Variants in GPD2 observed in about 807,000 individuals in gnomAD.
GPD2 encodes the protein glycerol-3-phosphate dehydrogenase, mitochondrial.
In GPD2, 54 loss-of-function variants were observed where a neutral mutation model predicts 82.4. That is an observed-to-expected ratio of 0.66 (90% CI 0.53 to 0.82). The LOEUF is 0.82. Ranked by LOEUF, GPD2 falls within the 40% of genes least tolerant of loss-of-function variation. The pLI is 0.00. For missense variants in GPD2, 748 were observed against 896.2 expected (o/e 0.83, Z 2.11); for synonymous variants, 288 against 306.1 (o/e 0.94, Z 0.62).
the GPD2 span, among the ~76,000 whole-genome samples, chr2:156,400,790 A>G: frequency 2.0e-5 from 3 of 152,346 alleles, no homozygotes; most frequent in African/African-American, 2.4e-5. Flanking sequence ...TCAGTGGTAG[A>G]GCGCGCGCTT....
At chr2:156,437,088 T>A (rs1229639427) in intron 1 of GPD2, among the ~76,000 whole-genome samples, 1 of 152,188 alleles carries the variant, frequency 6.6e-6, no homozygotes, top group East Asian at 1.9e-4. Context: ...CCTTGTGCAG[T>A]GGAATATTCA....
chr2:156,424,982 G>A, the GPD2 span, among the ~76,000 whole-genome samples: 8 of 151,636 alleles, frequency 5.3e-5, no homozygotes, highest in East Asian at 5.8e-4. Context: ...CCTACATAAC[G>A]CCAATATTAA....
In GPD2 at chr2:156,513,515, T is replaced by C. The variant is rs774022011; in HGVS notation, c.661+19T>C. ...TATGACGGTATGTGATGTTTTTTTT[T>C]TTTTTCCTCACAAGATACTTTTCTC... On this transcript the variant is annotated intron_variant, in intron 6 of 16. Transcript: ENST00000438166. 1.9e-6 allele frequency: 3 copies of C among 1,604,062 alleles called. No individual in the cohort carries two copies. The highest frequency in any genetic ancestry group is 8.5e-7 in the Non-Finnish European group (1 of 1,171,286).
At chr2:156,538,547 G>A (rs1438082437) in intron 6 of GPD2, among the ~76,000 whole-genome samples, 2 of 151,980 alleles carry the variant, frequency 1.3e-5, no homozygotes, top group Non-Finnish European at 2.9e-5. Context: ...TTGGCTGGGT[G>A]TGGTGGTTCA....
upstream of GPD2, among the ~76,000 whole-genome samples, chr2:156,434,103 TTTTA>T (rs775534865): frequency 1.1e-3 from 170 of 152,178 alleles, no homozygotes; most frequent in Non-Finnish European, 1.9e-3. Context: ...AGTCACAAGT[TTTTA>T]TTTATTTATT....
At chr2:156,518,372 G>A (rs1470895616) in intron 6 of GPD2, among the ~76,000 whole-genome samples, 1 of 152,170 alleles carries the variant, frequency 6.6e-6, no homozygotes, top group Non-Finnish European at 1.5e-5. Context: ...TGAATTTCAT[G>A]TCTCCCAGTC....
chr2:156,452,753 G>T (rs900283072), intron 1 of GPD2, among the ~76,000 whole-genome samples: 4 of 152,154 alleles, frequency 2.6e-5, no homozygotes, highest in African/African-American at 9.7e-5. Context: ...GGAGAGAGTG[G>T]TGGGTAATTG....
rs190384663 is a variant in GPD2, at chr2:156,516,797, T to G, written c.661+3301T>G. 3.3e-3 allele frequency among the ~76,000 whole-genome samples: 497 copies of G among 152,186 alleles called. 2 individuals carry two copies. Among genetic ancestry groups the G allele is most frequent in the Non-Finnish European group, 5.5e-3 (372 of 68,026 alleles). On this transcript the variant is annotated intron_variant, in intron 6 of 16. Coordinates refer to ENST00000438166, the MANE Select transcript of GPD2 (RefSeq NM_000408.5). ...AAGTTTTGCTAACTAAAAATTCTTA[T>G]TAGTAATATCTTATACACTTACTTC...
chr2:156,533,493 C>G (rs1433413627), intron 6 of GPD2, among the ~76,000 whole-genome samples: 1 of 152,164 alleles, frequency 6.6e-6, no homozygotes, highest in Non-Finnish European at 1.5e-5. Flanking sequence ...CTGATTCTGT[C>G]AGCAAGGCCT....
chr2:156,416,352 CTTT>C, the GPD2 span, among the ~76,000 whole-genome samples: 1 of 142,794 alleles, frequency 7.0e-6, no homozygotes, highest in African/African-American at 2.6e-5. Context: ...TAAAATATTT[CTTT>C]TTTTTTTTTT....
At chr2:156,495,736 G>T in intron 2 of GPD2, 1 of 394,206 alleles carries the variant, frequency 2.5e-6, no homozygotes, top group Non-Finnish European at 5.0e-6. Flanking sequence ...CCTTAGATAA[G>T]GTATTTGGGA....
At chr2:156,414,772 TTA>T in the GPD2 span, among the ~76,000 whole-genome samples, 1 of 152,202 alleles carries the variant, frequency 6.6e-6, no homozygotes, top group Non-Finnish European at 1.5e-5. Context: ...TCAATGATTA[TTA>T]TATCATTCCC....
chr2:156,433,367 C>T (rs1688340472), upstream of GPD2, among the ~76,000 whole-genome samples: 1 of 152,192 alleles, frequency 6.6e-6, no homozygotes, highest in African/African-American at 2.4e-5. Context: ...AGACCCTGCA[C>T]TTGACGGATC....
chr2:156,422,858 A>G, the GPD2 span, among the ~76,000 whole-genome samples: 2 of 152,208 alleles, frequency 1.3e-5, no homozygotes, highest in Non-Finnish European at 2.9e-5. Flanking sequence ...AGGACATTAT[A>G]TTGATAATAA....
chr2:156,406,853 GT>G, the GPD2 span, among the ~76,000 whole-genome samples: 1 of 152,092 alleles, frequency 6.6e-6, no homozygotes, highest in Admixed American at 6.6e-5. Flanking sequence ...TAAAATATAT[GT>G]TTTTTTCATA....
At chr2:156,527,882 G>A (rs1186717639) in intron 6 of GPD2, among the ~76,000 whole-genome samples, 1 of 151,968 alleles carries the variant, frequency 6.6e-6, no homozygotes, top group Admixed American at 6.6e-5. Context: ...TTGGTGATTT[G>A]TGTTTTATTT....
At position 156,582,896 on chromosome 2, in the gene GPD2, A is replaced by C; in HGVS notation, c.2162A>C (p.Asp721Ala). The C allele has an allele frequency of 6.2e-7, 1 of 1,613,136 alleles. No homozygotes were observed. The highest frequency in any genetic ancestry group is 8.5e-7 in the Non-Finnish European group (1 of 1,179,256). The change falls in exon 17 of 17, where the codon GAC (aspartate) becomes GCC (alanine). Residue 721 changes from aspartate (D) to alanine (A), a missense_variant. Asp to Ala is a moderately radical substitution (Grantham distance 126, BLOSUM62 -2). Transcript: ENST00000438166. Reference sequence around the variant, plus strand: ...GACAGAAGAGTTCCAATTCCAGTGGACCGTAGTTGTGGAGGATTGTGAGTC... The same window carrying C: ...GACAGAAGAGTTCCAATTCCAGTGGCCCGTAGTTGTGGAGGATTGTGAGTC... ...NLDRRVPIPVDRSCGGL is the reference protein window; with the variant it reads ...NLDRRVPIPVARSCGGL
intron 11 of GPD2, 75 bp from the exon 12 acceptor site, chr2:156,570,012 A>G: frequency 8.2e-7 from 1 of 1,221,912 alleles, no homozygotes. Flanking sequence ...CAAGATAAGC[A>G]TGTGTGCTTT....
chr2:156,475,631 T>A (rs977431530), intron 1 of GPD2, among the ~76,000 whole-genome samples: 2 of 152,218 alleles, frequency 1.3e-5, no homozygotes, highest in Admixed American at 1.3e-4. Context: ...CTTACCACAA[T>A]TTGAATTAAA....
Sources: gnomAD v4.1 joint callset for allele counts (sites outside exome capture counted in the v4.1 genomes callset) on GRCh38, gnomAD v4.1.1 for gene constraint, MANE v1.5 for transcripts, NCBI Gene and HGNC (gene_info 2026-07-23, HGNC 2026-07-21) for gene names.